Variants in PLCD1 observed in about 807,000 individuals in gnomAD.
The protein encoded by PLCD1 is phospholipase C delta 1, also known as 1-phosphatidylinositol 4,5-bisphosphate phosphodiesterase delta-1.
Under a neutral mutation model 87.4 loss-of-function variants are expected in PLCD1, and 71 were observed. The ratio of observed to expected loss-of-function variants is 0.81; its 90% CI spans 0.67 to 0.99. The LOEUF (loss-of-function observed/expected upper bound fraction) is 0.99, where lower values mean the gene tolerates loss of function less well. PLCD1 is among the 50% of genes least tolerant of loss of function. The pLI, the probability that PLCD1 is intolerant of heterozygous loss-of-function variation, is 0.00. For synonymous variants in PLCD1, 348 were observed against 399.2 expected (o/e 0.87, Z 1.53); for missense variants, 867 against 1,001.5 (o/e 0.87, Z 1.81).
At chr3:38,028,716 G>A (rs1375370765) in intron 1 of PLCD1, among the ~76,000 whole-genome samples, 1 of 152,120 alleles carries the variant, frequency 6.6e-6, no homozygotes, top group African/African-American at 2.4e-5. Context: ...GCAAAGAGGC[G>A]CCCAAAGTTA....
rs1292675648 is a variant in PLCD1, at chr3:38,022,546, C to T, written c.35-2194G>A. ...GGAAGTAGAAGTTGAGCACCACCCT[C>T]CTGTTCTGGAAAACACCATGAAGAG... is the stretch of plus-strand genomic sequence containing the variant. On this transcript the variant is annotated intron_variant, in intron 1 of 14. Transcript: ENST00000334661. Among the ~76,000 whole-genome samples, 7 of 152,214 alleles carry T rather than the reference C, an allele frequency of 4.6e-5. No individual in the cohort carries two copies. In the East Asian group the frequency reaches 1.3e-3, roughly 29 times the overall value.
At position 38,009,772 on chromosome 3, in the gene PLCD1, C is replaced by G. The variant is rs776894329; in HGVS notation, c.1327G>C (p.Gly443Arg). 6.2e-7 allele frequency: 1 copy of G among 1,613,924 alleles called. No individual in the cohort carries two copies. Among genetic ancestry groups the G allele is most frequent in the Non-Finnish European group, 8.5e-7 (1 of 1,180,000 alleles). The change falls in exon 9 of 15, where the codon GGG becomes CGG. Residue 443 changes from glycine to arginine, a missense_variant. Physicochemically the swap from Gly to Arg is moderately radical, Grantham distance 125. Coordinates refer to ENST00000334661, the MANE Select transcript of PLCD1 (RefSeq NM_006225.4). ...GKILLKGKKLGGLLPPGGEGG... is the reference protein window; with the variant it reads ...GKILLKGKKLRGLLPPGGEGG... ...TCCCCTCCAGGGGGCAGGAGCCCCCCGAGCTTCTTCCCCTTCAGCAGGATC... is the reference window on the plus strand; with the variant it reads ...TCCCCTCCAGGGGGCAGGAGCCCCCGGAGCTTCTTCCCCTTCAGCAGGATC...
Position 38,025,090 on chromosome 3 carries a change from A to G in PLCD1, c.34+4416T>C, listed in dbSNP as rs933631063. On this transcript the variant is annotated intron_variant, in intron 1 of 14. Coordinates refer to ENST00000334661, the MANE Select transcript of PLCD1 (RefSeq NM_006225.4). The surrounding 1 kb of genome is among the most constrained non-coding windows in gnomAD (Gnocchi z 4.0). ...AGCTCAGGCCGGGAGCCTCTGCTCC[A>G]GAGGCGACGTGGAGGCAGAGCCATA... Among the ~76,000 whole-genome samples, 4 of 151,552 alleles carry G rather than the reference A, an allele frequency of 2.6e-5. No individual in the cohort carries two copies. In the East Asian group the frequency reaches 7.8e-4, roughly 30 times the overall value.
intron 1 of PLCD1, among the ~76,000 whole-genome samples, chr3:38,028,907 G>T (rs536050822): frequency 6.6e-6 from 1 of 152,396 alleles, no homozygotes; most frequent in African/African-American, 2.4e-5. Flanking sequence ...TGTCCCCCGA[G>T]GAGGGTCGCA....
At chr3:38,012,523 T>G (rs1299835739) in intron 3 of PLCD1, among the ~76,000 whole-genome samples, 5 of 151,522 alleles carry the variant, frequency 3.3e-5, no homozygotes, top group African/African-American at 1.2e-4. Context: ...GAAGTTTTTT[T>G]TTTTTTTTTT....
In PLCD1 at chr3:38,010,167, G is replaced by A. The variant is rs201056647; in HGVS notation, c.1101C>T (p.Cys367=). 41 of 1,614,112 alleles carry A rather than the reference G, an allele frequency of 2.5e-5. No individual in the cohort carries two copies. Among genetic ancestry groups the A allele is most frequent in the African/African-American group, 8.0e-5 (6 of 74,938 alleles). Residue 367 remains cysteine, a synonymous_variant, in exon 7 of 15, where the codon TGC becomes TGT. Coordinates refer to ENST00000334661, the MANE Select transcript of PLCD1 (RefSeq NM_006225.4). The part of the protein sequence containing the change: ...GYTFTSKILF[C]DVLRAIRDYA... ...AGTCCCGGATGGCCCTGAGCACATC[G>A]CAGAAGAGGATCTTGGAAGTGAAAG...
chr3:38,019,491 G>C (rs1370548591), intron 2 of PLCD1, among the ~76,000 whole-genome samples: 1 of 152,150 alleles, frequency 6.6e-6, no homozygotes, highest in Non-Finnish European at 1.5e-5. Context: ...AAGGCATAGA[G>C]GGAGACATCT....
intron 3 of PLCD1, among the ~76,000 whole-genome samples, chr3:38,012,934 C>T (rs990578366): frequency 2.0e-5 from 3 of 150,934 alleles, no homozygotes; most frequent in South Asian, 2.1e-4. Flanking sequence ...GACAGGGTCT[C>T]GCTCTGTTGC....
Position 38,008,179 on chromosome 3 carries a change from C to G in PLCD1, c.2036-16G>C. ...GGGTTGAAACCTAGGGGGACAGGCA[C>G]CATATCAGCAGCATGGACACCAGCC... On this transcript the variant is annotated splice_polypyrimidine_tract_variant and intron_variant, in intron 13 of 14. Transcript: ENST00000334661. 6.2e-7 allele frequency: 1 copy of G among 1,613,640 alleles called. No individual in the cohort carries two copies.
intron 2 of PLCD1, among the ~76,000 whole-genome samples, chr3:38,019,799 G>A (rs1700206879): frequency 6.6e-6 from 1 of 152,184 alleles, no homozygotes; most frequent in South Asian, 2.1e-4. Flanking sequence ...ACTCAACCCC[G>A]GAAGTACCTT....
chr3:38,019,706 A>G (rs1700205192), intron 2 of PLCD1, among the ~76,000 whole-genome samples: 2 of 152,132 alleles, frequency 1.3e-5, no homozygotes, highest in African/African-American at 4.8e-5. Context: ...TGTGTGTCCC[A>G]GTCCTGCTCT....
chr3:38,023,063 C>T (rs1447342472), intron 1 of PLCD1, among the ~76,000 whole-genome samples: 1 of 152,146 alleles, frequency 6.6e-6, no homozygotes, highest in South Asian at 2.1e-4. Flanking sequence ...GCTAGCTGTG[C>T]ACAGTGAGGT....
chr3:38,024,782 G>A (rs1252191591), intron 1 of PLCD1: 3 of 1,275,754 alleles, frequency 2.4e-6, no homozygotes, highest in South Asian at 1.4e-5. Flanking sequence ...GGCGGGACGA[G>A]AAGAAAATCT....
chr3:38,022,829 C>T (rs1251256004), intron 1 of PLCD1, among the ~76,000 whole-genome samples: 1 of 152,102 alleles, frequency 6.6e-6, no homozygotes, highest in Admixed American at 6.6e-5. Context: ...CCCTTAGCAC[C>T]CAGAAAGTCT....
In PLCD1 at chr3:38,010,561, G is replaced by C; in HGVS notation, c.792C>G (p.Ala264=). The change falls in exon 6 of 15, where the codon GCC becomes GCG. Residue 264 remains alanine (A), a splice_region_variant and synonymous_variant. Transcript: ENST00000334661. ...LIERYEPSET[A]KAQRQMTKDG... Reference sequence around the variant, plus strand: ...CCTTGGTCATCTGCCGCTGCGCCTTGGCTGGGAGGGAGGAGGCCACTGCCC... The same window carrying C: ...CCTTGGTCATCTGCCGCTGCGCCTTCGCTGGGAGGGAGGAGGCCACTGCCC... 1 of 1,611,954 alleles carries C rather than the reference G, an allele frequency of 6.2e-7. No homozygotes were observed. The highest frequency in any genetic ancestry group is 8.5e-7 in the Non-Finnish European group (1 of 1,178,932).
In PLCD1 at chr3:38,016,724, G is replaced by A. The variant is rs1485435186; in HGVS notation, c.200-5C>T. On this transcript the variant is annotated splice_polypyrimidine_tract_variant and splice_region_variant and intron_variant, in intron 2 of 14. Coordinates refer to ENST00000334661, the MANE Select transcript of PLCD1 (RefSeq NM_006225.4). ...CCTGAATGTCCTCGATGGAGACTGCGAGAGGGGGATGGTGGAGGAGAGAGG... is the reference window on the plus strand; with the variant it reads ...CCTGAATGTCCTCGATGGAGACTGCAAGAGGGGGATGGTGGAGGAGAGAGG... The A allele has an allele frequency of 7.8e-6, 12 of 1,541,074 alleles. No individual in the cohort carries two copies. The highest frequency in any genetic ancestry group is 3.6e-5 in the South Asian group (3 of 84,022).
Position 38,011,659 on chromosome 3 carries a change from C to CAGG in PLCD1, c.440_442dup (p.Ser147dup). The CAGG allele has an allele frequency of 6.2e-7, 1 of 1,614,202 alleles. No homozygotes were observed. Among genetic ancestry groups the CAGG allele is most frequent in the Non-Finnish European group, 8.5e-7 (1 of 1,180,018 alleles). On this transcript the variant is annotated inframe_insertion, in exon 4 of 15. Transcript: ENST00000334661. ...CTTGTTTTTGTCAGCTTTTCGCAAG[C>CAGG]AGGAGTGAATCCAGCTGGGCAAGAA...
rs1435734980 is a variant in PLCD1 at position 38,008,065 on chromosome 3, T to G, written c.2134A>C (p.Lys712Gln). The change falls in exon 14 of 15, where the codon AAG becomes CAG. Residue 712 changes from lysine to glutamine, a missense_variant. Physicochemically the swap from Lys to Gln is moderately conservative, Grantham distance 53. Transcript: ENST00000334661. ...GTACTCTGGCCAATGAAGTCATTCT[T>G]GGAGGAGGCATCATAATCTTCCACC... ...FLVEDYDASSKNDFIGQSTIP... is the reference protein window; with the variant it reads ...FLVEDYDASSQNDFIGQSTIP... 1 of 1,614,150 alleles carries G rather than the reference T, an allele frequency of 6.2e-7. No homozygotes were observed. The highest frequency in any genetic ancestry group is 1.3e-5 in the African/African-American group (1 of 75,022).
chr3:38,013,867 T>G (rs1165731511), intron 3 of PLCD1, among the ~76,000 whole-genome samples: 1 of 152,124 alleles, frequency 6.6e-6, no homozygotes, highest in African/African-American at 2.4e-5. Flanking sequence ...TTTCAAATGC[T>G]CAAAAGCACA....
Sources: gnomAD v4.1 joint callset for allele counts (sites outside exome capture counted in the v4.1 genomes callset) on GRCh38, gnomAD v4.1.1 for gene constraint, Gnocchi (gnomAD v3.1) non-coding constraint, MANE v1.5 for transcripts, NCBI Gene and HGNC (gene_info 2026-07-23, HGNC 2026-07-21) for gene names.